SLC22A13: variants seen among roughly 807,000 people sequenced by gnomAD.
SLC22A13 encodes organic anion transporter 10.
Under a neutral mutation model 49.1 loss-of-function variants are expected in SLC22A13, and 42 were observed. The ratio of observed to expected loss-of-function variants is 0.85; its 90% confidence interval spans 0.67 to 1.11. SLC22A13 has a LOEUF of 1.11. Ranked by LOEUF, SLC22A13 falls within the 50% of genes least tolerant of loss-of-function variation. The pLI is 0.00. For synonymous variants in SLC22A13, 282 were observed against 293.1 expected, an observed-to-expected ratio of 0.96 and a Z score of 0.39; for missense variants, 694 against 712.8, an observed-to-expected ratio of 0.97 and a Z score of 0.30.
chr3:38,273,997 T>A (rs1466159391), intron 1 of SLC22A13, among the ~76,000 whole-genome samples: 2 of 152,244 alleles, frequency 1.3e-5, no homozygotes, highest in Non-Finnish European at 2.9e-5. Context: ...AGATATGATG[T>A]CATTGGAAGG....
chr3:38,277,137 T>G lies in SLC22A13; in HGVS notation c.1562+10T>G, dbSNP rs1703597536. The G allele has an allele frequency of 6.5e-7, 1 of 1,546,794 alleles. No individual in the cohort carries two copies. The highest frequency in any genetic ancestry group is 1.4e-5 in the African/African-American group (1 of 73,104). On this transcript the variant is annotated intron_variant, in intron 9 of 9. Coordinates refer to ENST00000311856, the MANE Select transcript of SLC22A13 (RefSeq NM_004256.4). ...TGGGGCCTCACCCACGGTGAGCTGC[T>G]TGCTTGCACTGAAACCACGACTTGG...
chr3:38,266,814 G>C (rs1160693291), intron 1 of SLC22A13, among the ~76,000 whole-genome samples: 1 of 152,202 alleles, frequency 6.6e-6, no homozygotes, highest in Non-Finnish European at 1.5e-5. Context: ...GTTCATTCTT[G>C]CTAACTTCAT....
intron 1 of SLC22A13, among the ~76,000 whole-genome samples, chr3:38,273,126 A>G (rs1703539708): frequency 6.6e-6 from 1 of 152,196 alleles, no homozygotes; most frequent in South Asian, 2.1e-4. Flanking sequence ...GTTCCCCAAC[A>G]AACATTTGTG....
chr3:38,266,040 C>CAACCT lies in SLC22A13; in HGVS notation c.181_185dup (p.Ser63ThrfsTer2). ...TGGCTTGGGTGAAGAACCACACTTT[C>CAACCT]AACCTGAGTGCTGCTGAACAGCTGG... On this transcript the variant is annotated frameshift_variant, in exon 1 of 10. Coordinates refer to ENST00000311856, the MANE Select transcript of SLC22A13 (RefSeq NM_004256.4). LOFTEE classifies it high-confidence loss of function. The CAACCT allele has an allele frequency of 2.5e-6, 4 of 1,614,220 alleles. No individual in the cohort carries two copies. Among genetic ancestry groups the CAACCT allele is most frequent in the Non-Finnish European group, 3.4e-6 (4 of 1,180,050 alleles).
chr3:38,275,536 G>A (rs544785821), intron 5 of SLC22A13, 42 bp from the exon 6 acceptor site: 182 of 1,613,952 alleles, frequency 1.1e-4, no homozygotes, highest in South Asian at 3.3e-4. Context: ...AGACCCACAC[G>A]GATCTTCCTG....
intron 1 of SLC22A13, among the ~76,000 whole-genome samples, chr3:38,267,761 C>A (rs1462188492): frequency 6.6e-6 from 1 of 152,162 alleles, no homozygotes; most frequent in Non-Finnish European, 1.5e-5. Context: ...TTGCTTCCTC[C>A]TGGTTCCGGG....
intron 1 of SLC22A13, among the ~76,000 whole-genome samples, chr3:38,272,742 C>T (rs776086661): frequency 1.3e-5 from 2 of 152,214 alleles, no homozygotes; most frequent in Non-Finnish European, 2.9e-5. Context: ...GAAGTATGAG[C>T]ACAATGGTAA....
At chr3:38,271,131 A>T (rs546414677) in intron 1 of SLC22A13, among the ~76,000 whole-genome samples, 1 of 152,360 alleles carries the variant, frequency 6.6e-6, no homozygotes, top group Non-Finnish European at 1.5e-5. Flanking sequence ...ATAAATGGTG[A>T]CTTCATATTT....
At chr3:38,274,210 G>A in intron 1 of SLC22A13, 62 bp from the exon 2 acceptor site, 2 of 1,210,736 alleles carry the variant, frequency 1.7e-6, no homozygotes, top group Non-Finnish European at 2.5e-6. Flanking sequence ...TAGTGGGACA[G>A]GTGGTGTAGG....
At chr3:38,275,696 A>G in intron 6 of SLC22A13, 24 bp downstream of exon 6, 1 of 1,608,292 alleles carries the variant, frequency 6.2e-7, no homozygotes, top group Middle Eastern at 1.7e-4. Context: ...ACCCGAGGAC[A>G]GAACCACAGG....
At chr3:38,275,225 G>A (rs1703565575) in intron 4 of SLC22A13, 68 bp downstream of exon 4, 1 of 1,591,090 alleles carries the variant, frequency 6.3e-7, no homozygotes, top group South Asian at 1.1e-5. Context: ...TTGCAGTGCA[G>A]CACCCATGTT....
chr3:38,270,778 GT>G (rs1301284570), intron 1 of SLC22A13: 1 of 158,218 alleles, frequency 6.3e-6, no homozygotes, highest in African/African-American at 2.4e-5. Flanking sequence ...TGCTGAAATA[GT>G]TTTGTATTTA....
In SLC22A13 at chr3:38,277,634, G is replaced by GTTTTTTAATGATAC; in HGVS notation, c.*169_*170insTTTTTTAATGATAC. 1.8e-6 allele frequency: 1 copy of GTTTTTTAATGATAC among 547,020 alleles called. No homozygotes were observed. The highest frequency in any genetic ancestry group is 3.2e-5 in the Admixed American group (1 of 30,836). The allele number at this position is 547,020 out of a possible 1,614,324, so 33.9% of individuals were successfully genotyped here. A position where few individuals can be genotyped will look rare whatever the true frequency, so the allele number is the denominator to read the frequency against. On this transcript the variant is annotated 3_prime_UTR_variant, in exon 10 of 10. Coordinates refer to ENST00000311856, the MANE Select transcript of SLC22A13 (RefSeq NM_004256.4). ...CTCCTGCCGAGTCCAATCCCAGACT[G>GTTTTTTAATGATAC]GGAACCACCATCTGAGACAGGACCT...
intron 7 of SLC22A13, 22 bp from the exon 8 acceptor site, chr3:38,276,265 G>T: frequency 1.3e-6 from 2 of 1,592,128 alleles, no homozygotes; most frequent in South Asian, 1.1e-5. Context: ...CCCAGGTGAT[G>T]GGGCTGTCTA....
Position 38,274,298 on chromosome 3 carries a change from C to T in SLC22A13, c.405C>T (p.His135=), listed in dbSNP as rs1267246418. ...NEFNLVCDRK[H]LKDTTQSVFM... ...TCAACCTGGTTTGTGATCGGAAGCA[C>T]CTGAAGGACACCACACAGTCAGTGT... is the stretch of plus-strand genomic sequence containing the variant. The change falls in exon 2 of 10, where the codon CAC becomes CAT. Residue 135 remains histidine (H), a synonymous_variant. Transcript: ENST00000311856. The T allele has an allele frequency of 1.2e-6, 2 of 1,614,034 alleles. No individual in the cohort carries two copies. The highest frequency in any genetic ancestry group is 8.5e-7 in the Non-Finnish European group (1 of 1,179,994).
chr3:38,276,771 C>G, intron 8 of SLC22A13, 141 bp from the exon 9 acceptor site: 1 of 713,196 alleles, frequency 1.4e-6, no homozygotes, highest in South Asian at 1.8e-5. Context: ...GAGCAGAGAG[C>G]AGGAACGCTG....
At chr3:38,276,715 A>G (rs1232809790) in intron 8 of SLC22A13, among the ~76,000 whole-genome samples, 197 bp from the exon 9 acceptor site, 1 of 152,100 alleles carries the variant, frequency 6.6e-6, no homozygotes, top group African/African-American at 2.4e-5. Flanking sequence ...CTGAGACTTG[A>G]CAGGCGAGCA....
At chr3:38,270,725 C>A in intron 1 of SLC22A13, 1 of 167,556 alleles carries the variant, frequency 6.0e-6, no homozygotes, top group East Asian at 1.6e-4. Flanking sequence ...TATGTTTTAC[C>A]AATGGCATCA....
chr3:38,277,706 C>T lies in SLC22A13; in HGVS notation c.*241C>T, dbSNP rs78221722. On this transcript the variant is annotated 3_prime_UTR_variant, in exon 10 of 10. Transcript: ENST00000311856. The stretch of plus-strand genomic sequence containing the variant: ...CATCTCCAGAGCCCTGCCCCCAATA[C>T]TCTGTCTGGGTTAGGATCTTGGGTA... The T allele has an allele frequency of 0.043, 18,858 of 437,332 alleles. 551 individuals are homozygous for T. The highest frequency in any genetic ancestry group is 0.11 in the Middle Eastern group (180 of 1,626). 27.1% of individuals were successfully genotyped at this position (437,332 alleles called of 1,614,324 possible). A position where few individuals can be genotyped will look rare whatever the true frequency, so the allele number is the denominator to read the frequency against.
Sources: allele counts gnomAD v4.1 joint callset (sites outside exome capture counted in the v4.1 genomes callset), GRCh38; gene constraint gnomAD v4.1.1; transcripts MANE v1.5; gene names NCBI Gene and HGNC (gene_info 2026-07-23, HGNC 2026-07-21).